The following EXOC2 variants were observed in gnomAD, a reference collection of about 807,000 sequenced individuals.
The protein encoded by EXOC2 is SEC5-like 1.
In EXOC2, 70 loss-of-function variants were observed where a neutral mutation model predicts 131.8. The observed-to-expected ratio is 0.53, with a 90% CI of 0.44 to 0.65. The LOEUF (loss-of-function observed/expected upper bound fraction) is 0.65. Among genes scored for constraint, EXOC2 ranks in the 30% least tolerant of loss-of-function variants. The pLI is 0.00. For missense variants in EXOC2, 923 were observed against 1,108.6 expected, an observed-to-expected ratio of 0.83 and a Z score of 2.38; for synonymous variants, 411 against 398.4, an observed-to-expected ratio of 1.03 and a Z score of -0.38.
chr6:674,637 T>C (rs1581670519), intron 1 of EXOC2, among the ~76,000 whole-genome samples: 1 of 152,124 alleles, frequency 6.6e-6, no homozygotes, highest in South Asian at 2.1e-4. Flanking sequence ...GAAACACTAC[T>C]GTACTGATCT....
chr6:689,550 T>C (rs1764821227), intron 1 of EXOC2, among the ~76,000 whole-genome samples: 2 of 152,196 alleles, frequency 1.3e-5, no homozygotes, highest in African/African-American at 4.8e-5. Flanking sequence ...AGCTTCCCAA[T>C]TACTCTAGCC....
intron 22 of EXOC2, among the ~76,000 whole-genome samples, chr6:536,680 T>C (rs1180991335): frequency 6.6e-6 from 1 of 152,160 alleles, no homozygotes; most frequent in Non-Finnish European, 1.5e-5. Context: ...AATGCAATAT[T>C]GGCATAAGGA....
chr6:509,818 C>T (rs572867027), intron 23 of EXOC2, among the ~76,000 whole-genome samples: 1 of 152,146 alleles, frequency 6.6e-6, no homozygotes, highest in African/African-American at 2.4e-5. Flanking sequence ...TGTTTTGACG[C>T]ATAACACTCT....
At chr6:673,097 TA>T (rs1421177423) in intron 1 of EXOC2, among the ~76,000 whole-genome samples, 3 of 151,452 alleles carry the variant, frequency 2.0e-5, no homozygotes, top group Admixed American at 6.6e-5. Flanking sequence ...CCATCTCTAC[TA>T]AAAATACAAA....
At chr6:500,055 CAT>C (rs1002974776) in intron 23 of EXOC2, among the ~76,000 whole-genome samples, 28 of 151,812 alleles carry the variant, frequency 1.8e-4, no homozygotes, top group African/African-American at 5.6e-4. Context: ...TACTGTAAAA[CAT>C]ATACACACTG....
At chr6:680,681 G>C (rs1764362961) in intron 1 of EXOC2, among the ~76,000 whole-genome samples, 1 of 152,080 alleles carries the variant, frequency 6.6e-6, no homozygotes. Flanking sequence ...TGAGTTATAT[G>C]CATTTTTTTG....
At chr6:588,056 A>G (rs1388451580) in intron 11 of EXOC2, among the ~76,000 whole-genome samples, 3 of 152,168 alleles carry the variant, frequency 2.0e-5, no homozygotes, top group Non-Finnish European at 4.4e-5. Context: ...GCGTGAGTAC[A>G]TGGGGTATTG....
At chr6:562,443 G>C (rs942514257) in intron 17 of EXOC2, among the ~76,000 whole-genome samples, 5 of 152,222 alleles carry the variant, frequency 3.3e-5, no homozygotes, top group Non-Finnish European at 5.9e-5. Flanking sequence ...TGGCTTTGGA[G>C]CCAGCAACGT....
rs973133817 is a variant in EXOC2 at position 629,944 on chromosome 6, C to T, written c.313G>A (p.Ala105Thr). 1 of 1,613,774 alleles carries T rather than the reference C, an allele frequency of 6.2e-7. No individual in the cohort carries two copies. The highest frequency in any genetic ancestry group is 1.3e-5 in the African/African-American group (1 of 74,900). ...PEKIGILDQS[A>T]VWVDEMNYYD... ...TAATTCATTTCATCAACCCACACAG[C>T]AGACTGATCCAAAATGCCTACAGAA... is the stretch of plus-strand genomic sequence containing the variant. The change falls in exon 4 of 28, where the codon GCT becomes ACT. Residue 105 changes from alanine (A) to threonine (T), a missense_variant. Coordinates refer to ENST00000230449, the MANE Select transcript of EXOC2 (RefSeq NM_018303.6).
At chr6:521,739 G>A (rs567799912) in intron 23 of EXOC2, among the ~76,000 whole-genome samples, 2 of 151,956 alleles carry the variant, frequency 1.3e-5, no homozygotes, top group Admixed American at 6.6e-5. Flanking sequence ...TGTTGCCCAG[G>A]TTGGTCTCTA....
intron 1 of EXOC2, among the ~76,000 whole-genome samples, chr6:692,473 C>A (rs373654650): frequency 1.3e-3 from 198 of 152,324 alleles, no homozygotes; most frequent in African/African-American, 4.6e-3. Flanking sequence ...GCCGCCGCTC[C>A]CCTATCCGTA....
intron 8 of EXOC2, 21 bp downstream of exon 8, chr6:599,055 GTAAA>G (rs1181877501): frequency 1.9e-6 from 3 of 1,588,476 alleles, no homozygotes; most frequent in Non-Finnish European, 1.7e-6. Flanking sequence ...ACAACCATAT[GTAAA>G]TAAATAAACA....
chr6:593,892 G>T lies in EXOC2; in HGVS notation c.1074-1305C>A, dbSNP rs1184706911. On this transcript the variant is annotated intron_variant, in intron 10 of 27. Transcript: ENST00000230449. ...ATCAGAGGAGAAACAAATCCACTTTGTAATATGTTAGCAACAAATAAAATG... is the reference window on the plus strand; with the variant it reads ...ATCAGAGGAGAAACAAATCCACTTTTTAATATGTTAGCAACAAATAAAATG... 2.6e-5 allele frequency among the ~76,000 whole-genome samples: 4 copies of T among 152,214 alleles called. No homozygotes were observed. The South Asian group carries it at 6.2e-4, about 24-fold the overall frequency.
chr6:583,066 T>C (rs1231522127), intron 11 of EXOC2, among the ~76,000 whole-genome samples: 1 of 152,210 alleles, frequency 6.6e-6, no homozygotes, highest in Non-Finnish European at 1.5e-5. Flanking sequence ...GCTGGAGAAG[T>C]GAATGACCAA....
At chr6:510,113 A>C (rs569497713) in intron 23 of EXOC2, among the ~76,000 whole-genome samples, 2 of 152,328 alleles carry the variant, frequency 1.3e-5, no homozygotes, top group East Asian at 3.9e-4. Flanking sequence ...TAAAAAAAAG[A>C]AAAAGATAAC....
At chr6:561,723 T>C (rs1370152752) in intron 17 of EXOC2, among the ~76,000 whole-genome samples, 1 of 152,062 alleles carries the variant, frequency 6.6e-6, no homozygotes, top group Non-Finnish European at 1.5e-5. Flanking sequence ...GTAGCTAGGA[T>C]TACAGGCGCC....
intron 11 of EXOC2, among the ~76,000 whole-genome samples, chr6:580,445 C>T (rs73378411): frequency 0.01 from 1,545 of 152,208 alleles, 29 homozygotes; most frequent in African/African-American, 0.035. Flanking sequence ...TACTTGTTCT[C>T]TTGGCAGTAA....
At chr6:503,287 G>A (rs972872897) in intron 23 of EXOC2, among the ~76,000 whole-genome samples, 1 of 152,006 alleles carries the variant, frequency 6.6e-6, no homozygotes, top group Non-Finnish European at 1.5e-5. Flanking sequence ...GATGCCACTA[G>A]GCACATGGCA....
intron 21 of EXOC2, among the ~76,000 whole-genome samples, chr6:551,683 C>T (rs548455940): frequency 4.3e-4 from 65 of 152,278 alleles, no homozygotes; most frequent in African/African-American, 1.5e-3. Context: ...AGTCTCCATT[C>T]GGGAGGCCCT....
Sources: allele counts gnomAD v4.1 joint callset (sites outside exome capture counted in the v4.1 genomes callset), GRCh38; gene constraint gnomAD v4.1.1; transcripts MANE v1.5; gene names NCBI Gene and HGNC (gene_info 2026-07-23, HGNC 2026-07-21).